CACNB2: variants seen among roughly 807,000 people sequenced by gnomAD.
The protein encoded by CACNB2 is calcium voltage-gated channel auxiliary subunit beta 2.
In CACNB2, 42 loss-of-function variants were observed where a neutral mutation model predicts 73.3. The ratio of observed to expected loss-of-function variants is 0.57; its 90% CI spans 0.45 to 0.74. CACNB2 has a LOEUF of 0.74. CACNB2 is among the 30% of genes least tolerant of loss of function. CACNB2 has a pLI of 0.00. For missense variants in CACNB2, 940 were observed against 853.0 expected, an observed-to-expected ratio of 1.10 and a Z score of -1.27; for synonymous variants, 348 against 310.3, an observed-to-expected ratio of 1.12 and a Z score of -1.28.
At chr10:18,259,708 G>C (rs11013221) in intron 2 of CACNB2, among the ~76,000 whole-genome samples, 47,433 of 144,918 alleles carry the variant, frequency 0.33, 7,950 homozygotes, top group East Asian at 0.41. Context: ...TCCAGTCTGG[G>C]TGACAGAGTG....
intron 2 of CACNB2, among the ~76,000 whole-genome samples, chr10:18,285,949 A>C (rs1182535340): frequency 6.6e-6 from 1 of 152,326 alleles, no homozygotes; most frequent in African/African-American, 2.4e-5. Context: ...TAAGTGAATA[A>C]TAAGAAATTT....
chr10:18,487,930 G>C (rs1024049634), intron 3 of CACNB2, among the ~76,000 whole-genome samples: 1 of 151,766 alleles, frequency 6.6e-6, no homozygotes, highest in Non-Finnish European at 1.5e-5. Flanking sequence ...ACACTGAAAG[G>C]CTGCTGCAGC....
At chr10:18,291,064 A>G (rs532319820) in intron 2 of CACNB2, among the ~76,000 whole-genome samples, 9 of 152,234 alleles carry the variant, frequency 5.9e-5, no homozygotes, top group Non-Finnish European at 1.3e-4. Flanking sequence ...TTCATCAACA[A>G]CAGGTGCGCA....
rs546782222 is a variant in CACNB2 at position 18,196,610 on chromosome 10, AC to A, written c.213+45636del. 2.2e-4 allele frequency among the ~76,000 whole-genome samples: 34 copies of A among 152,278 alleles called. No homozygotes were observed. The South Asian group carries it at 6.4e-3, about 29-fold the overall frequency. On this transcript the variant is annotated intron_variant, in intron 2 of 13. Transcript: ENST00000324631. ...TGGGATTACAGGTATGAGCCACTGC[AC>A]TGGCCAAAGAAACATTTTTGACTGC...
At chr10:18,418,303 G>A (rs1430364702) in intron 3 of CACNB2, among the ~76,000 whole-genome samples, 2 of 152,184 alleles carry the variant, frequency 1.3e-5, no homozygotes, top group African/African-American at 2.4e-5. Flanking sequence ...TCGATCTCTT[G>A]ACCTCGTGAT....
At chr10:18,297,442 C>T (rs1241421142) in intron 2 of CACNB2, among the ~76,000 whole-genome samples, 1 of 152,050 alleles carries the variant, frequency 6.6e-6, no homozygotes, top group Non-Finnish European at 1.5e-5. Flanking sequence ...CCTGTAGTTC[C>T]AGCTACTCAG....
intron 2 of CACNB2, among the ~76,000 whole-genome samples, chr10:18,181,001 T>C (rs1287523034): frequency 7.9e-6 from 1 of 126,416 alleles, no homozygotes; most frequent in Non-Finnish European, 1.7e-5. Flanking sequence ...AAAAGAAATA[T>C]AAGAAAATGG....
intron 3 of CACNB2, among the ~76,000 whole-genome samples, chr10:18,408,411 G>C (rs1158701944): frequency 6.6e-6 from 1 of 151,498 alleles, no homozygotes; most frequent in African/African-American, 2.4e-5. Context: ...GCTGATTTTT[G>C]TATTTTTAAT....
intron 2 of CACNB2, among the ~76,000 whole-genome samples, chr10:18,226,174 G>A (rs1169448280): frequency 6.6e-6 from 1 of 151,910 alleles, no homozygotes; most frequent in Non-Finnish European, 1.5e-5. Flanking sequence ...CTACAGGTGT[G>A]TGCCACCATG....
intron 3 of CACNB2, among the ~76,000 whole-genome samples, chr10:18,430,748 A>T (rs17613287): frequency 0.27 from 40,732 of 152,158 alleles, 6,144 homozygotes; most frequent in Middle Eastern, 0.39. Context: ...ATTCCTAAAA[A>T]GAAACTATTA....
intron 13 of CACNB2, 140 bp from the exon 14 acceptor site, chr10:18,539,090 C>A: frequency 3.8e-6 from 4 of 1,064,690 alleles, no homozygotes; most frequent in South Asian, 2.5e-5. Flanking sequence ...CTGGATGTTA[C>A]CAAAGGGATG....
intron 2 of CACNB2, among the ~76,000 whole-genome samples, chr10:18,174,445 C>G (rs2033460885): frequency 6.7e-6 from 1 of 150,348 alleles, no homozygotes. Context: ...CTCTTGCCGC[C>G]CAGGCTGGAG....
chr10:18,276,418 GTTGAGCACT>G (rs2131672601), intron 2 of CACNB2, among the ~76,000 whole-genome samples: 1 of 152,288 alleles, frequency 6.6e-6, no homozygotes, highest in East Asian at 1.9e-4. Flanking sequence ...AATGTATTCG[GTTGAGCACT>G]TTGACTTAGG....
At chr10:18,505,737 A>G (rs2050454021) in intron 5 of CACNB2, among the ~76,000 whole-genome samples, 1 of 152,174 alleles carries the variant, frequency 6.6e-6, no homozygotes, top group African/African-American at 2.4e-5. Flanking sequence ...TGAAAAACAC[A>G]AATGCTGTTG....
At chr10:18,399,614 C>T (rs190331833) in intron 2 of CACNB2, among the ~76,000 whole-genome samples, 1 of 152,138 alleles carries the variant, frequency 6.6e-6, no homozygotes, top group Admixed American at 6.5e-5. Context: ...AACTCATGGG[C>T]TCAAGCAATC....
chr10:18,299,077 A>T (rs1371598281), intron 2 of CACNB2, among the ~76,000 whole-genome samples: 6 of 95,920 alleles, frequency 6.3e-5, no homozygotes, highest in African/African-American at 8.1e-5. Flanking sequence ...TAAAAAAAAA[A>T]AAATAAAAAA....
At chr10:18,342,036 T>C (rs1311441743) in intron 2 of CACNB2, among the ~76,000 whole-genome samples, 1 of 152,202 alleles carries the variant, frequency 6.6e-6, no homozygotes, top group Non-Finnish European at 1.5e-5. Flanking sequence ...GGGCATTAGA[T>C]ATGTCACGCC....
At chr10:18,194,922 C>G (rs748813157) in intron 2 of CACNB2, among the ~76,000 whole-genome samples, 1 of 152,172 alleles carries the variant, frequency 6.6e-6, no homozygotes, top group Non-Finnish European at 1.5e-5. Flanking sequence ...AGATTCATTT[C>G]AGAAATAAGA....
At chr10:18,487,600 C>T (rs554388822) in intron 3 of CACNB2, among the ~76,000 whole-genome samples, 3 of 152,122 alleles carry the variant, frequency 2.0e-5, no homozygotes, top group South Asian at 2.1e-4. Context: ...TTTGGGAGAC[C>T]GAGGTGGGTG....
Sources: allele counts gnomAD v4.1 joint callset (sites outside exome capture counted in the v4.1 genomes callset), GRCh38; gene constraint gnomAD v4.1.1; transcripts MANE v1.5; gene names NCBI Gene and HGNC (gene_info 2026-07-23, HGNC 2026-07-21).